Variants in SSH1 observed in about 807,000 individuals in gnomAD.
SSH1 encodes the protein protein phosphatase Slingshot homolog 1.
SSH1 carries 43 observed loss-of-function variants against 79.7 expected under a neutral mutation model. The ratio of observed to expected loss-of-function variants is 0.54; its 90% CI spans 0.42 to 0.70. The LOEUF is 0.70. SSH1 is among the 30% of genes least tolerant of loss of function. The pLI is 0.00. For missense variants in SSH1, 1,206 were observed against 1,358.8 expected, an observed-to-expected ratio of 0.89 and a Z score of 1.77; for synonymous variants, 599 against 538.3, an observed-to-expected ratio of 1.11 and a Z score of -1.56.
intron 2 of SSH1, among the ~76,000 whole-genome samples, chr12:108,837,877 G>T (rs780383134): frequency 6.6e-6 from 1 of 151,858 alleles, no homozygotes; most frequent in Non-Finnish European, 1.5e-5. Flanking sequence ...CCACCTCCCA[G>T]GCTCAAGCGA....
chr12:108,835,510 G>A (rs939253592), intron 2 of SSH1, among the ~76,000 whole-genome samples: 7 of 152,170 alleles, frequency 4.6e-5, no homozygotes, highest in African/African-American at 1.7e-4. Context: ...TGAGACCAAG[G>A]AGCCGGGAAG....
chr12:108,842,544 G>A (rs1053669199), intron 2 of SSH1, among the ~76,000 whole-genome samples: 3 of 152,176 alleles, frequency 2.0e-5, no homozygotes, highest in Admixed American at 6.5e-5. Context: ...GATGTTCTCC[G>A]GGCTGCAGCA....
In SSH1 at chr12:108,799,195, T is replaced by C. The variant is rs757448219; in HGVS notation, c.1154A>G (p.Asn385Ser). ...AYHFINKAKR[N>S]HSKCLVHCKM... ...GCAATGCACCAGGCACTTGGAATGGTTCCTCCTGCAGGGGTGGGAGCAGTT... is the reference window on the plus strand; with the variant it reads ...GCAATGCACCAGGCACTTGGAATGGCTCCTCCTGCAGGGGTGGGAGCAGTT... Residue 385 changes from asparagine (N) to serine (S), a missense_variant, in exon 13 of 15, where the codon AAC (asparagine) becomes AGC (serine). By Grantham distance (46) the Asn-to-Ser change is conservative (BLOSUM62 1). Coordinates refer to ENST00000326495, the MANE Select transcript of SSH1 (RefSeq NM_018984.4). The C allele has an allele frequency of 1.2e-6, 2 of 1,612,732 alleles. No individual in the cohort carries two copies. The highest frequency in any genetic ancestry group is 1.7e-5 in the Admixed American group (1 of 59,840).
intron 11 of SSH1, 23 bp downstream of exon 11, chr12:108,802,299 A>T: frequency 6.2e-7 from 1 of 1,612,414 alleles, no homozygotes; most frequent in Non-Finnish European, 8.5e-7. Flanking sequence ...AAGGACAGGG[A>T]AAGACAAGGG....
intron 2 of SSH1, among the ~76,000 whole-genome samples, chr12:108,845,384 A>G (rs1377317211): frequency 6.6e-6 from 1 of 151,798 alleles, no homozygotes; most frequent in Non-Finnish European, 1.5e-5. Flanking sequence ...GAGATAATAA[A>G]CATGGCCTGG....
In SSH1 at chr12:108,778,455, T is replaced by C. The variant is rs748031288; in HGVS notation, c.*9533A>G. 3.3e-5 allele frequency: 5 copies of C among 152,242 alleles called. No homozygotes were observed. The highest frequency in any genetic ancestry group is 7.3e-5 in the Non-Finnish European group (5 of 68,056). The allele number at this position is 152,242 out of a possible 1,614,324, so 9.4% of individuals were successfully genotyped here. A position where few individuals can be genotyped will look rare whatever the true frequency, so the allele number is the denominator to read the frequency against. On this transcript the variant is annotated 3_prime_UTR_variant, in exon 15 of 15. Coordinates refer to ENST00000326495, the MANE Select transcript of SSH1 (RefSeq NM_018984.4). ...CTCCCAGCCTCTGCCCCTTCCTGGCTGTGTGTCCCTGACCCACGTTACCTA... is the reference window on the plus strand; with the variant it reads ...CTCCCAGCCTCTGCCCCTTCCTGGCCGTGTGTCCCTGACCCACGTTACCTA...
chr12:108,784,198 C>T lies in SSH1; in HGVS notation c.*3790G>A, dbSNP rs1328846199. 1 of 152,254 alleles carries T rather than the reference C, an allele frequency of 6.6e-6. No homozygotes were observed. Among genetic ancestry groups the T allele is most frequent in the African/African-American group, 2.4e-5 (1 of 41,438 alleles). The allele number at this position is 152,254 out of a possible 1,614,324, so 9.4% of individuals were successfully genotyped here. On this transcript the variant is annotated 3_prime_UTR_variant, in exon 15 of 15. Coordinates refer to ENST00000326495, the MANE Select transcript of SSH1 (RefSeq NM_018984.4). ...AGTGGTAGGGAAATTCATCAACCTTCTAGAATGGACTGCCCTCAGATAAGA... is the reference window on the plus strand; with the variant it reads ...AGTGGTAGGGAAATTCATCAACCTTTTAGAATGGACTGCCCTCAGATAAGA...
At chr12:108,853,297 A>G (rs1160355635) in intron 1 of SSH1, 1 of 985,020 alleles carries the variant, frequency 1.0e-6, no homozygotes. Context: ...TCTGAAATCT[A>G]AAAGGCCACG....
intron 14 of SSH1, 48 bp from the exon 15 acceptor site, chr12:108,789,292 C>A: frequency 6.4e-7 from 1 of 1,554,362 alleles, no homozygotes; most frequent in Non-Finnish European, 8.7e-7. Flanking sequence ...AGTCATGAGC[C>A]AAAGACCAAA....
Position 108,778,740 on chromosome 12 carries a change from T to TACCACC in SSH1, c.*9242_*9247dup, listed in dbSNP as rs577645668. 10 of 153,238 alleles carry TACCACC rather than the reference T, an allele frequency of 6.5e-5. No homozygotes were observed. Among genetic ancestry groups the TACCACC allele is most frequent in the Admixed American group, 2.0e-4 (3 of 15,238 alleles). The allele number at this position is 153,238 out of a possible 1,614,324, so 9.5% of individuals were successfully genotyped here. ...CAATTTCAAGAGCAAGAGGGAGGTC[T>TACCACC]ACCACCACCACCACCACCACCACCA... On this transcript the variant is annotated 3_prime_UTR_variant, in exon 15 of 15. Coordinates refer to ENST00000326495, the MANE Select transcript of SSH1 (RefSeq NM_018984.4).
chr12:108,789,255 G>A lies in SSH1; in HGVS notation c.1894-11C>T. 6 of 1,585,066 alleles carry A rather than the reference G, an allele frequency of 3.8e-6. No individual in the cohort carries two copies. Among genetic ancestry groups the A allele is most frequent in the Non-Finnish European group, 5.2e-6 (6 of 1,164,676 alleles). ...AAATATAGCATCATCCTGCAAGGAAGGGGACAAGAGCATGGTGAGACGGTG... is the reference window on the plus strand; with the variant it reads ...AAATATAGCATCATCCTGCAAGGAAAGGGACAAGAGCATGGTGAGACGGTG... On this transcript the variant is annotated splice_polypyrimidine_tract_variant and intron_variant, in intron 14 of 14. Coordinates refer to ENST00000326495, the MANE Select transcript of SSH1 (RefSeq NM_018984.4).
At position 108,788,221 on chromosome 12, in the gene SSH1, G is replaced by A. The variant is rs11114056; in HGVS notation, c.2917C>T (p.Leu973=). 6.2e-7 allele frequency: 1 copy of A among 1,614,040 alleles called. No individual in the cohort carries two copies. The highest frequency in any genetic ancestry group is 1.3e-5 in the African/African-American group (1 of 75,002). The change falls in exon 15 of 15, where the codon CTG becomes TTG. Residue 973 remains leucine, a synonymous_variant. Coordinates refer to ENST00000326495, the MANE Select transcript of SSH1 (RefSeq NM_018984.4). Reference sequence around the variant, plus strand: ...TTGGCAAGAGAGTGTGAGCGCTTCAGTGGGGAAGAGACGGTGAGGCCCGCC... The same window carrying A: ...TTGGCAAGAGAGTGTGAGCGCTTCAATGGGGAAGAGACGGTGAGGCCCGCC... ...RLAGLTVSSP[L]KRSHSLAKLG... is the part of the protein sequence containing the mutation.
In SSH1 at chr12:108,807,586, G is replaced by A. The variant is rs955888304; in HGVS notation, c.731+47C>T. 9 of 1,592,654 alleles carry A rather than the reference G, an allele frequency of 5.7e-6. No individual in the cohort carries two copies. The highest frequency in any genetic ancestry group is 5.0e-5 in the Admixed American group (3 of 59,724). On this transcript the variant is annotated intron_variant, in intron 8 of 14. Transcript: ENST00000326495. The surrounding 1 kb of genome is among the most constrained non-coding windows in gnomAD (Gnocchi z 5.2). The stretch of plus-strand genomic sequence containing the variant: ...GCACAGGGCAGGTGGGGGAGAGGCA[G>A]GTGCCTGTGGGCTTGGGTGCGCTCA...
At position 108,792,515 on chromosome 12, in the gene SSH1, C is replaced by G; in HGVS notation, c.1664G>C (p.Arg555Thr). The part of the protein sequence containing the change: ...APPAEVHRPA[R>T]QPQQGSGLCE... ...GAGTCCGGAACCTTGCTGGGGCTGT[C>G]TGGCCGGCCTGTGCACCTCTGCAGG... Residue 555 changes from arginine to threonine, a missense_variant, in exon 14 of 15, where the codon AGA (arginine) becomes ACA (threonine). Around this residue, in one of 5 missense-constraint regions of SSH1, gnomAD observed 709 missense variants for 730.6 expected, o/e 0.97. Transcript: ENST00000326495. 1 of 1,614,194 alleles carries G rather than the reference C, an allele frequency of 6.2e-7. No homozygotes were observed. Among genetic ancestry groups the G allele is most frequent in the Non-Finnish European group, 8.5e-7 (1 of 1,180,036 alleles).
At chr12:108,856,735 C>T (rs1218823152) in intron 1 of SSH1, among the ~76,000 whole-genome samples, 1 of 152,188 alleles carries the variant, frequency 6.6e-6, no homozygotes, top group Non-Finnish European at 1.5e-5. Context: ...GCACAGTCCC[C>T]GGACGGCAGG....
chr12:108,842,856 G>A (rs531073998), intron 2 of SSH1, among the ~76,000 whole-genome samples: 2 of 152,332 alleles, frequency 1.3e-5, no homozygotes, highest in East Asian at 3.9e-4. Context: ...CCTCTCTGGG[G>A]TTTAGTCTTC....
At chr12:108,801,206 A>T (rs1411835545) in intron 11 of SSH1, among the ~76,000 whole-genome samples, 1 of 152,212 alleles carries the variant, frequency 6.6e-6, no homozygotes, top group East Asian at 1.9e-4. Context: ...AAAATTAAAT[A>T]TACGTATTAC....
intron 4 of SSH1, 65 bp downstream of exon 4, chr12:108,818,184 C>G: frequency 7.5e-7 from 1 of 1,336,998 alleles, no homozygotes; most frequent in Non-Finnish European, 1.1e-6. Flanking sequence ...GGCAACAGAG[C>G]AAGACCCTCA....
intron 2 of SSH1, chr12:108,827,412 C>CT: frequency 7.1e-7 from 1 of 1,412,650 alleles, no homozygotes; most frequent in South Asian, 1.7e-5. Flanking sequence ...CCATCTGCTC[C>CT]CTATGGAGAT....
Sources: gnomAD v4.1 joint callset for allele counts (sites outside exome capture counted in the v4.1 genomes callset) on GRCh38, gnomAD v4.1.1 for gene constraint, gnomAD v4.1.1 regional missense constraint, Gnocchi (gnomAD v3.1) non-coding constraint, MANE v1.5 for transcripts, NCBI Gene and HGNC (gene_info 2026-07-23, HGNC 2026-07-21) for gene names.